PKHD1L1: variants seen among roughly 807,000 people sequenced by gnomAD.
The protein encoded by PKHD1L1 is fibrocystin-L.
Under a neutral mutation model 462.9 loss-of-function variants are expected in PKHD1L1, and 434 were observed. The ratio of observed to expected loss-of-function variants is 0.94; its 90% CI spans 0.87 to 1.02. The LOEUF is 1.02. Ranked by LOEUF, PKHD1L1 falls within the 50% of genes least tolerant of loss-of-function variation. PKHD1L1 has a pLI of 0.00. For synonymous variants in PKHD1L1, 1,781 were observed against 1,750.0 expected, an observed-to-expected ratio of 1.02 and a Z score of -0.44; for missense variants, 5,202 against 5,096.1, an observed-to-expected ratio of 1.02 and a Z score of -0.63.
rs1563747947 is a variant in PKHD1L1, at chr8:109,410,731, T to TTTTTTTTTTTTTTG, written c.2085+766_2085+767insGTTTTTTTTTTTTT. 3.9e-4 allele frequency among the ~76,000 whole-genome samples: 25 copies of TTTTTTTTTTTTTTG among 63,304 alleles called. 1 individual carries two copies. The highest frequency in any genetic ancestry group is 9.7e-4 in the Admixed American group (6 of 6,162). The allele number at this position is 63,304 out of a possible 152,430, so 41.5% of individuals were successfully genotyped here. On this transcript the variant is annotated intron_variant, in intron 19 of 77. Transcript: ENST00000378402. ...TTTTCTTTTCTTTTCTTTTTCTTTT[T>TTTTTTTTTTTTTTG]TTTTTTTTTTTTTTTTGAGACGGAG...
At chr8:109,474,924 G>A (rs547944540) in intron 50 of PKHD1L1, among the ~76,000 whole-genome samples, 194 bp from the exon 51 acceptor site, 2 of 152,096 alleles carry the variant, frequency 1.3e-5, no homozygotes, top group South Asian at 2.1e-4. Flanking sequence ...TCAGTCAAAC[G>A]AAGACATTTA....
intron 58 of PKHD1L1, 131 bp downstream of exon 58, chr8:109,485,304 G>T (rs1721725726): frequency 4.0e-6 from 3 of 758,112 alleles, no homozygotes; most frequent in Non-Finnish European, 6.0e-6. Flanking sequence ...GATTGGCAAT[G>T]ATACCCAGTG....
rs749203922 is a variant in PKHD1L1, at chr8:109,408,123, G to A, written c.1888G>A (p.Gly630Arg). 6.2e-7 allele frequency: 1 copy of A among 1,613,344 alleles called. No homozygotes were observed. The highest frequency in any genetic ancestry group is 1.7e-5 in the Admixed American group (1 of 59,976). Residue 630 changes from glycine to arginine, a missense_variant, in exon 18 of 78, where the codon GGA becomes AGA. This residue lies in a region of PKHD1L1 where 4,497 missense variants were observed against 4,336.8 expected (regional missense o/e 1.04). Transcript: ENST00000378402. ...ACTGGATATTACAGAACAAACCAAAGGAAAACCCAACTTGGAGACATTCAC... is the reference window on the plus strand; with the variant it reads ...ACTGGATATTACAGAACAAACCAAAAGAAAACCCAACTTGGAGACATTCAC... ...VTLDITEQTK[G>R]KPNLETFTLN... is the part of the protein sequence containing the mutation.
chr8:109,432,552 T>C (rs956506130), intron 27 of PKHD1L1, among the ~76,000 whole-genome samples: 10 of 152,168 alleles, frequency 6.6e-5, no homozygotes, highest in Non-Finnish European at 1.3e-4. Flanking sequence ...ATCTATAATT[T>C]GTTGATCAAA....
At position 109,449,322 on chromosome 8, in the gene PKHD1L1, T is replaced by C; in HGVS notation, c.6026-16T>C. 6.5e-7 allele frequency: 1 copy of C among 1,549,110 alleles called. No individual in the cohort carries two copies. The highest frequency in any genetic ancestry group is 8.7e-7 in the Non-Finnish European group (1 of 1,146,942). On this transcript the variant is annotated splice_polypyrimidine_tract_variant and intron_variant, in intron 39 of 77. Coordinates refer to ENST00000378402, the MANE Select transcript of PKHD1L1 (RefSeq NM_177531.6). ...TTTAATTAGCTTTGTTTTTCCTTTT[T>C]ATTTGTCTTCACTAGGGAGCTTTGG...
intron 53 of PKHD1L1, among the ~76,000 whole-genome samples, chr8:109,478,291 C>T (rs1818100567): frequency 6.6e-6 from 1 of 152,108 alleles, no homozygotes; most frequent in African/African-American, 2.4e-5. Flanking sequence ...CACTATGTGC[C>T]AGGCATTTTG....
At position 109,530,323 on chromosome 8, in the gene PKHD1L1, A is replaced by C. The variant is rs1264058098; in HGVS notation, c.*233A>C. The C allele has an allele frequency of 4.4e-5, 11 of 252,308 alleles. No homozygotes were observed. Among genetic ancestry groups the C allele is most frequent in the Non-Finnish European group, 6.9e-5 (9 of 130,804 alleles). 15.6% of individuals were successfully genotyped at this position (252,308 alleles called of 1,614,324 possible). The stretch of plus-strand genomic sequence containing the variant: ...ATTTCATTTCAATAAACTTCCAGAA[A>C]TTTGTCATTTGGAAGTAGATATGAC... On this transcript the variant is annotated 3_prime_UTR_variant, in exon 78 of 78. Coordinates refer to ENST00000378402, the MANE Select transcript of PKHD1L1 (RefSeq NM_177531.6).
chr8:109,484,339 G>C (rs1366586494), intron 57 of PKHD1L1, among the ~76,000 whole-genome samples: 1 of 151,826 alleles, frequency 6.6e-6, no homozygotes, highest in African/African-American at 2.4e-5. Context: ...TCTAGGCATT[G>C]GGGATTTAGT....
chr8:109,415,862 GGGGTGTGTGTGTGTGTGTGT>G (rs1814132757), intron 21 of PKHD1L1, among the ~76,000 whole-genome samples: 1 of 83,922 alleles, frequency 1.2e-5, no homozygotes, highest in Admixed American at 1.1e-4. Flanking sequence ...AAAAAAAAAA[GGGGTGTGTGTGTGTGTGTGT>G]GTGTGTGTGT....
chr8:109,510,628 G>A, intron 70 of PKHD1L1, 149 bp from the exon 71 acceptor site: 2 of 983,864 alleles, frequency 2.0e-6, no homozygotes, highest in Non-Finnish European at 1.4e-6. Flanking sequence ...TAGCTGGCTG[G>A]GTAACGGTGG....
chr8:109,393,346 C>A (rs1266781114), intron 9 of PKHD1L1, among the ~76,000 whole-genome samples: 1 of 151,792 alleles, frequency 6.6e-6, no homozygotes, highest in East Asian at 1.9e-4. Context: ...AGATTTGAGT[C>A]TTAATATTTG....
At chr8:109,504,234 T>A (rs1181455632) in intron 67 of PKHD1L1, 93 bp from the exon 68 acceptor site, 1 of 768,498 alleles carries the variant, frequency 1.3e-6, no homozygotes, top group Non-Finnish European at 1.9e-6. Context: ...TTTAAGGTAG[T>A]GACAAAAGAT....
rs1709346562 is a variant in PKHD1L1 at position 109,400,270 on chromosome 8, G to A, written c.1207G>A (p.Val403Ile). Residue 403 changes from valine (V) to isoleucine (I), a missense_variant, in exon 13 of 78, where the codon GTT becomes ATT. By Grantham distance (29) the Val-to-Ile change is conservative. This residue lies in a region of PKHD1L1 where 4,497 missense variants were observed against 4,336.8 expected (regional missense o/e 1.04). Coordinates refer to ENST00000378402, the MANE Select transcript of PKHD1L1 (RefSeq NM_177531.6). ...ATTTTTGGTGGCTCCAGATTCTGAT[G>A]TTTATAGATTCTACATCAAGGGTGA... ...SGFLVAPDSD[V>I]YRFYIKGDDR... is the part of the protein sequence containing the mutation. The A allele has an allele frequency of 1.9e-6, 3 of 1,613,586 alleles. No individual in the cohort carries two copies. The highest frequency in any genetic ancestry group is 1.3e-5 in the African/African-American group (1 of 74,992).
chr8:109,471,012 G>A, intron 50 of PKHD1L1: 1 of 1,610,092 alleles, frequency 6.2e-7, no homozygotes, highest in Non-Finnish European at 8.5e-7. Flanking sequence ...AGTCCAGTTG[G>A]GTCACCACTT....
chr8:109,499,975 T>G (rs1233370537), intron 67 of PKHD1L1, among the ~76,000 whole-genome samples: 2 of 152,188 alleles, frequency 1.3e-5, no homozygotes, highest in African/African-American at 4.8e-5. Context: ...GCTGCCCCTA[T>G]GGGGAGGACC....
chr8:109,497,547 C>T (rs1819173292), intron 65 of PKHD1L1, among the ~76,000 whole-genome samples: 1 of 151,682 alleles, frequency 6.6e-6, no homozygotes, highest in Admixed American at 6.6e-5. Context: ...CTGCCTCAGC[C>T]TCCCGAGTAG....
chr8:109,512,995 T>C (rs1225596957), intron 71 of PKHD1L1, among the ~76,000 whole-genome samples: 2 of 152,078 alleles, frequency 1.3e-5, no homozygotes, highest in East Asian at 3.9e-4. Flanking sequence ...TGGCTCTCTG[T>C]TTGTCTGTTA....
At chr8:109,439,424 A>T (rs1343739215) in intron 32 of PKHD1L1, among the ~76,000 whole-genome samples, 22 of 152,118 alleles carry the variant, frequency 1.4e-4, no homozygotes, top group Non-Finnish European at 1.0e-4. Flanking sequence ...TTAGAGTGGC[A>T]TCTCCCCTGC....
chr8:109,534,194 G>T lies in PKHD1L1; in HGVS notation c.*4104G>T, dbSNP rs1414806820. 6.6e-6 allele frequency among the ~76,000 whole-genome samples: 1 copy of T among 152,232 alleles called. No individual in the cohort carries two copies. The highest frequency in any genetic ancestry group is 2.4e-5 in the African/African-American group (1 of 41,468). On this transcript the variant is annotated 3_prime_UTR_variant, in exon 78 of 78. Coordinates refer to ENST00000378402, the MANE Select transcript of PKHD1L1 (RefSeq NM_177531.6). ...ACTTTAATCTGAGGCTAGGCGCAGT[G>T]GCTCACGCCTGTAATCCCAGCACTC...
Sources: allele counts gnomAD v4.1 joint callset (sites outside exome capture counted in the v4.1 genomes callset), GRCh38; gene constraint gnomAD v4.1.1; regional missense constraint gnomAD v4.1.1; transcripts MANE v1.5; gene names NCBI Gene and HGNC (gene_info 2026-07-23, HGNC 2026-07-21).